Variants in BRAF observed in about 807,000 individuals in gnomAD.
BRAF encodes the protein B-Raf proto-oncogene, serine/threonine kinase.
Under a neutral mutation model 104.6 loss-of-function variants are expected in BRAF, and 16 were observed. The observed-to-expected ratio is 0.15, with a 90% CI of 0.10 to 0.23. BRAF has a LOEUF of 0.23. Ranked by LOEUF, BRAF falls within the 10% of genes least tolerant of loss-of-function variation. BRAF has a pLI of 1.00. For missense variants in BRAF, 541 were observed against 937.3 expected (o/e 0.58, Z 5.52); for synonymous variants, 310 against 341.6 (o/e 0.91, Z 1.02).
chr7:140,918,983 CA>C (rs1380600935), intron 1 of BRAF, among the ~76,000 whole-genome samples: 3 of 151,188 alleles, frequency 2.0e-5, no homozygotes, highest in Admixed American at 1.3e-4. Context: ...ACTAAAAATA[CA>C]AAAAATTAGC....
intron 1 of BRAF, among the ~76,000 whole-genome samples, chr7:140,921,112 T>C (rs935581357): frequency 6.6e-6 from 1 of 152,218 alleles, no homozygotes; most frequent in Non-Finnish European, 1.5e-5. Flanking sequence ...AAAATTGTAA[T>C]TCTAATGCAA....
intron 1 of BRAF, among the ~76,000 whole-genome samples, chr7:140,884,441 G>C (rs1038429086): frequency 4.2e-5 from 6 of 143,276 alleles, no homozygotes; most frequent in Non-Finnish European, 9.1e-5. Flanking sequence ...GTGTGTGTGT[G>C]TGTGTGTGTG....
chr7:140,907,721 G>A (rs1816483567), intron 1 of BRAF, among the ~76,000 whole-genome samples: 1 of 151,720 alleles, frequency 6.6e-6, no homozygotes, highest in South Asian at 2.1e-4. Flanking sequence ...CCAAAGTATT[G>A]GGATTACAGG....
At chr7:140,787,689 TAAAAC>T in intron 8 of BRAF, 105 bp from the exon 9 acceptor site, 1 of 932,570 alleles carries the variant, frequency 1.1e-6, no homozygotes, top group Admixed American at 2.0e-5. Context: ...TTTTATTAAT[TAAAAC>T]AATACATCTT....
At chr7:140,825,466 A>G (rs1225774279) in intron 3 of BRAF, among the ~76,000 whole-genome samples, 1 of 152,188 alleles carries the variant, frequency 6.6e-6, no homozygotes, top group Non-Finnish European at 1.5e-5. Flanking sequence ...TTCTGGTGTC[A>G]TATTTAAGAA....
At chr7:140,766,054 T>C in intron 14 of BRAF, among the ~76,000 whole-genome samples, 1 of 151,906 alleles carries the variant, frequency 6.6e-6, no homozygotes, top group Non-Finnish European at 1.5e-5. Context: ...CCAACCCAAA[T>C]GTCCAACAAT....
intron 3 of BRAF, among the ~76,000 whole-genome samples, chr7:140,827,367 C>T (rs907520366): frequency 5.3e-5 from 8 of 152,132 alleles, no homozygotes; most frequent in African/African-American, 1.9e-4. Context: ...GTGCTATTAC[C>T]ACTCCAAGAC....
chr7:140,714,431 G>A (rs986374167), downstream of BRAF, among the ~76,000 whole-genome samples: 1 of 152,108 alleles, frequency 6.6e-6, no homozygotes, highest in Non-Finnish European at 1.5e-5. Flanking sequence ...GGAGTGATGC[G>A]ATCCTAGCTC....
intron 1 of BRAF, among the ~76,000 whole-genome samples, chr7:140,923,911 C>A (rs977139109): frequency 7.9e-5 from 12 of 152,118 alleles, no homozygotes; most frequent in Non-Finnish European, 1.8e-4. Context: ...AGCGACAGAG[C>A]GCTGACAAAC....
intron 19 of BRAF, among the ~76,000 whole-genome samples, chr7:140,727,185 CTT>C (rs927393889): frequency 7.8e-5 from 10 of 128,606 alleles, no homozygotes; most frequent in Non-Finnish European, 1.5e-4. Flanking sequence ...TTATTTTTTT[CTT>C]TTTTTTTTTT....
chr7:140,884,258 T>TG (rs916282398), intron 1 of BRAF: 42 of 152,046 alleles, frequency 2.8e-4, no homozygotes, highest in African/African-American at 1.0e-3. Context: ...TAAAAAGACT[T>TG]GCAGTTTTTG....
downstream of BRAF, among the ~76,000 whole-genome samples, chr7:140,716,522 T>C (rs950063960): frequency 5.3e-5 from 8 of 152,200 alleles, no homozygotes; most frequent in Non-Finnish European, 8.8e-5. Context: ...ATAGACCAGA[T>C]TGTAAACATA....
intron 16 of BRAF, 112 bp from the exon 16 acceptor site, chr7:140,749,530 A>G (rs1457658814): frequency 1.1e-5 from 12 of 1,128,710 alleles, no homozygotes; most frequent in African/African-American, 1.6e-5. Context: ...CCTGTCTAAT[A>G]TGTAATCAAT....
chr7:140,761,343 G>GA (rs970063278), intron 14 of BRAF, among the ~76,000 whole-genome samples: 3 of 152,094 alleles, frequency 2.0e-5, no homozygotes, highest in African/African-American at 7.2e-5. Flanking sequence ...AATGCTGAGA[G>GA]ATTTTGCCAC....
rs3748093 is a variant in BRAF, at chr7:140,800,651, T to A, written c.861-170A>T. Among the ~76,000 whole-genome samples, 2,769 of 152,326 alleles carry A rather than the reference T, an allele frequency of 0.018. 156 individuals are homozygous for A. The highest frequency in any genetic ancestry group is 0.17 in the East Asian group (882 of 5,184). ...AGGCTTATTTTAAAAAAAATTGTATTGCACTTTCAAAGGCATGCTTATAAC... is the reference window on the plus strand; with the variant it reads ...AGGCTTATTTTAAAAAAAATTGTATAGCACTTTCAAAGGCATGCTTATAAC... On this transcript the variant is annotated intron_variant, in intron 6 of 19. Transcript: ENST00000644969.
chr7:140,760,830 G>A (rs1307354986), intron 14 of BRAF, among the ~76,000 whole-genome samples: 1 of 152,002 alleles, frequency 6.6e-6, no homozygotes, highest in Non-Finnish European at 1.5e-5. Flanking sequence ...GAGAAGGGAA[G>A]TTTAGAGAAA....
At chr7:140,825,890 T>C (rs1306220596) in intron 3 of BRAF, among the ~76,000 whole-genome samples, 1 of 152,298 alleles carries the variant, frequency 6.6e-6, no homozygotes, top group South Asian at 2.1e-4. Flanking sequence ...AAATTGTTTG[T>C]CCAACTCAGA....
intron 1 of BRAF, among the ~76,000 whole-genome samples, chr7:140,914,249 TAGA>T (rs934389236): frequency 6.6e-6 from 1 of 152,210 alleles, no homozygotes; most frequent in African/African-American, 2.4e-5. Flanking sequence ...TATGGCCTAC[TAGA>T]AGTTCAGTGC....
Position 140,720,108 on chromosome 7 carries a change from CA to C in BRAF, c.*6385del. 9.4e-7 allele frequency: 1 copy of C among 1,060,822 alleles called. No homozygotes were observed. The highest frequency in any genetic ancestry group is 4.6e-5 in the South Asian group (1 of 21,940). 65.7% of individuals were successfully genotyped at this position (1,060,822 alleles called of 1,614,324 possible). A position where few individuals can be genotyped will look rare whatever the true frequency, so the allele number is the denominator to read the frequency against. ...AACTACTGAATAAAATTCAGAGACACATGTTGATGAATGATCAAATTCAATC... is the reference window on the plus strand; with the variant it reads ...AACTACTGAATAAAATTCAGAGACACTGTTGATGAATGATCAAATTCAATC... On this transcript the variant is annotated 3_prime_UTR_variant, in exon 20 of 20. Coordinates refer to ENST00000644969, the MANE Select transcript of BRAF (RefSeq NM_001374258.1).
Sources: allele counts gnomAD v4.1 joint callset (sites outside exome capture counted in the v4.1 genomes callset), GRCh38; gene constraint gnomAD v4.1.1; transcripts MANE v1.5; gene names NCBI Gene and HGNC (gene_info 2026-07-23, HGNC 2026-07-21).